The following PPA2 variants were observed in gnomAD, a reference collection of about 807,000 sequenced individuals.
PPA2 encodes inorganic pyrophosphatase 2, mitochondrial.
In PPA2, 48 loss-of-function variants were observed where a neutral mutation model predicts 49.5. The observed-to-expected ratio is 0.97, with a 90% confidence interval of 0.77 to 1.23. PPA2 has a LOEUF of 1.23. Among genes scored for constraint, PPA2 ranks in the 50% most tolerant of loss-of-function variants. The pLI is 0.00. For missense variants in PPA2, 429 were observed against 410.1 expected, an observed-to-expected ratio of 1.05 and a Z score of -0.40; for synonymous variants, 131 against 139.9, an observed-to-expected ratio of 0.94 and a Z score of 0.45.
At chr4:105,370,031 G>A (rs1732959186) in intron 11 of PPA2, among the ~76,000 whole-genome samples, 1 of 152,130 alleles carries the variant, frequency 6.6e-6, no homozygotes, top group Admixed American at 6.5e-5. Flanking sequence ...TTAGTCTCTA[G>A]CAGACAACAT....
intron 7 of PPA2, among the ~76,000 whole-genome samples, chr4:105,409,197 A>T (rs1722630725): frequency 6.6e-6 from 1 of 152,214 alleles, no homozygotes; most frequent in African/African-American, 2.4e-5. Context: ...ACTACCACCC[A>T]AATATGCGCT....
intron 1 of PPA2, among the ~76,000 whole-genome samples, chr4:105,460,856 CACAT>C (rs1723059854): frequency 7.2e-6 from 1 of 139,202 alleles, no homozygotes; most frequent in African/African-American, 3.3e-5. Context: ...GATGTAAGAT[CACAT>C]ATATATATAG....
intron 3 of PPA2, among the ~76,000 whole-genome samples, chr4:105,452,057 T>C (rs1033050431): frequency 6.6e-6 from 1 of 152,156 alleles, no homozygotes; most frequent in Non-Finnish European, 1.5e-5. Flanking sequence ...TTCTCTCCAT[T>C]TTTTTCCTTG....
intron 1 of PPA2, among the ~76,000 whole-genome samples, chr4:105,462,955 C>A (rs1407556766): frequency 6.6e-6 from 1 of 152,204 alleles, no homozygotes; most frequent in African/African-American, 2.4e-5. Context: ...ATTCCACAGT[C>A]TTGGGTATGC....
chr4:105,387,524 T>C (rs1313229761), intron 9 of PPA2, among the ~76,000 whole-genome samples: 1 of 152,232 alleles, frequency 6.6e-6, no homozygotes, highest in Non-Finnish European at 1.5e-5. Flanking sequence ...ATATCGGTGA[T>C]AAAAACATCT....
At chr4:105,438,185 G>A in intron 5 of PPA2, 149 bp from the exon 6 acceptor site, 1 of 597,914 alleles carries the variant, frequency 1.7e-6, no homozygotes, top group Non-Finnish European at 2.9e-6. Context: ...CAACAGGCCA[G>A]TATGTCCCTA....
At chr4:105,465,847 T>C (rs1212227795) in intron 1 of PPA2, among the ~76,000 whole-genome samples, 2 of 152,154 alleles carry the variant, frequency 1.3e-5, no homozygotes, top group African/African-American at 4.8e-5. Flanking sequence ...TTTTTTTCTA[T>C]TATCCCTTTT....
intron 7 of PPA2, among the ~76,000 whole-genome samples, chr4:105,415,246 A>G (rs1722953302): frequency 6.6e-6 from 1 of 152,158 alleles, no homozygotes; most frequent in Non-Finnish European, 1.5e-5. Context: ...TCCGCCCAGG[A>G]GCCTGTCTGC....
At chr4:105,394,181 A>G (rs1280631167) in intron 9 of PPA2, among the ~76,000 whole-genome samples, 1 of 152,100 alleles carries the variant, frequency 6.6e-6, no homozygotes, top group Non-Finnish European at 1.5e-5. Flanking sequence ...ACCCTGGCCA[A>G]CATGGTAAAA....
intron 7 of PPA2, among the ~76,000 whole-genome samples, chr4:105,404,854 G>T (rs2110402972): frequency 6.6e-6 from 1 of 152,204 alleles, no homozygotes; most frequent in South Asian, 2.1e-4. Context: ...GGCCGAGGCG[G>T]GCAGATCACC....
chr4:105,371,496 C>T (rs1475345811), intron 10 of PPA2, among the ~76,000 whole-genome samples: 1 of 152,126 alleles, frequency 6.6e-6, no homozygotes, highest in Admixed American at 6.6e-5. Context: ...TATGTGACCA[C>T]CATCCAAGTA....
At chr4:105,445,938 C>T (rs1722362088) in intron 5 of PPA2, among the ~76,000 whole-genome samples, 1 of 152,060 alleles carries the variant, frequency 6.6e-6, no homozygotes, top group African/African-American at 2.4e-5. Flanking sequence ...TTGTGCAATT[C>T]AATTTACAAT....
intron 6 of PPA2, among the ~76,000 whole-genome samples, chr4:105,433,012 A>G (rs963617220): frequency 6.6e-6 from 1 of 152,250 alleles, no homozygotes; most frequent in Non-Finnish European, 1.5e-5. Context: ...AATAAATGAG[A>G]TAATTCTTAT....
intron 7 of PPA2, among the ~76,000 whole-genome samples, chr4:105,402,200 A>G (rs1485118294): frequency 1.3e-5 from 2 of 152,070 alleles, no homozygotes; most frequent in Non-Finnish European, 2.9e-5. Context: ...TGAGCCTAGG[A>G]GTTTGAGACC....
chr4:105,421,038 G>C (rs974513338), intron 7 of PPA2, among the ~76,000 whole-genome samples: 1 of 152,152 alleles, frequency 6.6e-6, no homozygotes, highest in Non-Finnish European at 1.5e-5. Context: ...GAGAAGTTAG[G>C]TTGTAAGGGA....
intron 2 of PPA2, among the ~76,000 whole-genome samples, chr4:105,455,174 A>G (rs1722829478): frequency 6.6e-6 from 1 of 152,242 alleles, no homozygotes; most frequent in African/African-American, 2.4e-5. Context: ...GCATTCAATG[A>G]CTATTGATTG....
chr4:105,374,682 A>G (rs182257763), intron 10 of PPA2, among the ~76,000 whole-genome samples: 9 of 152,298 alleles, frequency 5.9e-5, no homozygotes, highest in African/African-American at 1.4e-4. Context: ...TGACACACTG[A>G]ACCAATATAA....
intron 9 of PPA2, among the ~76,000 whole-genome samples, chr4:105,393,779 A>C (rs1734022946): frequency 6.6e-6 from 1 of 152,000 alleles, no homozygotes; most frequent in African/African-American, 2.4e-5. Flanking sequence ...AAAGGAAGGC[A>C]GAGGAAGCTT....
At chr4:105,450,376 T>C (rs1722613064) in intron 3 of PPA2, among the ~76,000 whole-genome samples, 1 of 142,166 alleles carries the variant, frequency 7.0e-6, no homozygotes, top group Non-Finnish European at 1.5e-5. Flanking sequence ...TACACTTTCC[T>C]TTTTTTTTTT....
Sources: gnomAD v4.1 joint callset for allele counts (sites outside exome capture counted in the v4.1 genomes callset) on GRCh38, gnomAD v4.1.1 for gene constraint, MANE v1.5 for transcripts, NCBI Gene and HGNC (gene_info 2026-07-23, HGNC 2026-07-21) for gene names.